The following RP1 variants were observed in gnomAD, a reference collection of about 807,000 sequenced individuals.
RP1 encodes the protein oxygen-regulated protein 1.
A neutral mutation model predicts 14.8 loss-of-function variants in RP1; 16 were observed. That is an observed-to-expected ratio of 1.08 (90% confidence interval 0.73 to 1.65). The LOEUF (loss-of-function observed/expected upper bound fraction) is 1.65. RP1 is among the 40% of genes most tolerant of loss of function. The pLI, the probability that RP1 is intolerant of heterozygous loss-of-function variation, is 0.00. For missense variants in RP1, 2,631 were observed against 2,535.0 expected, an observed-to-expected ratio of 1.04 and a Z score of -0.81; for synonymous variants, 876 against 883.6, an observed-to-expected ratio of 0.99 and a Z score of 0.15.
intron 15 of RP1, among the ~76,000 whole-genome samples, chr8:54,710,795 C>T (rs1036501883): frequency 6.6e-6 from 1 of 152,130 alleles, no homozygotes; most frequent in Non-Finnish European, 1.5e-5. Context: ...TCCTCTCTAC[C>T]GACTGAGTCT....
chr8:54,689,842 CAGTT>C (rs1285191049), intron 12 of RP1, among the ~76,000 whole-genome samples: 2 of 152,034 alleles, frequency 1.3e-5, no homozygotes, highest in South Asian at 2.1e-4. Context: ...TAATGACAGT[CAGTT>C]ATACAGTCAC....
At position 54,629,138 on chromosome 8, in the gene RP1, T is replaced by C. The variant is rs745772363; in HGVS notation, c.5256T>C (p.His1752=). ...DKGKWLLKEN[H]LLRMSSENPG... ...GCAAATGGCTTCTGAAAGAAAATCA[T>C]TTGCTAAGGATGTCATCTGAAAATC... Residue 1752 remains histidine, a synonymous_variant, in exon 4 of 4, where the codon CAT becomes CAC. Transcript: ENST00000220676. The C allele has an allele frequency of 9.9e-6, 16 of 1,613,954 alleles. No homozygotes were observed. Among genetic ancestry groups the C allele is most frequent in the Non-Finnish European group, 1.3e-5 (15 of 1,179,952 alleles).
chr8:54,586,823 C>T (rs1223447837), intron 1 of RP1, among the ~76,000 whole-genome samples: 1 of 152,164 alleles, frequency 6.6e-6, no homozygotes, highest in African/African-American at 2.4e-5. Context: ...CGTGGTGTGC[C>T]GTTTGCTAAG....
At chr8:54,605,385 T>G (rs867613870) in intron 1 of RP1, among the ~76,000 whole-genome samples, 3 of 152,236 alleles carry the variant, frequency 2.0e-5, no homozygotes, top group African/African-American at 4.8e-5. Flanking sequence ...CTAGTTTGAT[T>G]GCACTGTGGT....
At chr8:54,814,395 C>T (rs754553304) in intron 24 of RP1, among the ~76,000 whole-genome samples, 3 of 152,166 alleles carry the variant, frequency 2.0e-5, no homozygotes, top group Non-Finnish European at 4.4e-5. Flanking sequence ...AATAACTGTA[C>T]TGTCCCTTGA....
intron 26 of RP1, among the ~76,000 whole-genome samples, chr8:54,856,425 T>A (rs1211848996): frequency 6.6e-6 from 1 of 152,216 alleles, no homozygotes; most frequent in Non-Finnish European, 1.5e-5. Context: ...TAAAACGTCC[T>A]ATGCGTGTGT....
intron 1 of RP1, chr8:54,560,550 G>A (rs968207208): frequency 2.0e-5 from 3 of 152,058 alleles, no homozygotes; most frequent in East Asian, 3.9e-4. Context: ...CCAACATGAC[G>A]TCACCGGTTT....
At chr8:54,618,308 A>G (rs1370650119) in intron 1 of RP1, among the ~76,000 whole-genome samples, 1 of 152,024 alleles carries the variant, frequency 6.6e-6, no homozygotes, top group East Asian at 1.9e-4. Flanking sequence ...CTTTGCTCCT[A>G]TTGTCTTTAT....
chr8:54,579,313 G>A (rs949348027), intron 1 of RP1, among the ~76,000 whole-genome samples: 1 of 152,152 alleles, frequency 6.6e-6, no homozygotes, highest in African/African-American at 2.4e-5. Flanking sequence ...AGCAAACCGA[G>A]GATGAGACTA....
chr8:54,650,255 C>T (rs1806626930), intron 4 of RP1, among the ~76,000 whole-genome samples: 1 of 152,090 alleles, frequency 6.6e-6, no homozygotes, highest in South Asian at 2.1e-4. Context: ...ACATTAATCT[C>T]TTGTTGTAGA....
chr8:54,724,795 C>T (rs1301346187), intron 16 of RP1, among the ~76,000 whole-genome samples: 1 of 152,148 alleles, frequency 6.6e-6, no homozygotes, highest in East Asian at 1.9e-4. Flanking sequence ...GAATTCCATA[C>T]TACTGTGTTG....
At chr8:54,755,168 T>A (rs553804758) in intron 20 of RP1, among the ~76,000 whole-genome samples, 1 of 152,322 alleles carries the variant, frequency 6.6e-6, no homozygotes, top group South Asian at 2.1e-4. Flanking sequence ...AGGCTGAGGC[T>A]GTGAGAGACA....
chr8:54,699,688 A>G, intron 13 of RP1: 2 of 435,486 alleles, frequency 4.6e-6, no homozygotes, highest in East Asian at 7.3e-5. Flanking sequence ...CACTTTTTTC[A>G]TTCTGTTTTG....
intron 25 of RP1, among the ~76,000 whole-genome samples, chr8:54,844,546 CTCTG>C (rs962786404): frequency 1.3e-5 from 2 of 151,144 alleles, no homozygotes; most frequent in African/African-American, 4.9e-5. Flanking sequence ...ACAAGCTTGC[CTCTG>C]TGTGTGCATA....
chr8:54,712,926 T>C (rs1269438133), intron 15 of RP1, among the ~76,000 whole-genome samples: 1 of 152,228 alleles, frequency 6.6e-6, no homozygotes, highest in Non-Finnish European at 1.5e-5. Context: ...TTAATTACCC[T>C]AGTTTGCGTA....
At chr8:54,784,147 C>T (rs114599467) in intron 24 of RP1, among the ~76,000 whole-genome samples, 260 of 152,226 alleles carry the variant, frequency 1.7e-3, no homozygotes, top group African/African-American at 5.8e-3. Flanking sequence ...ATGGGCGAAA[C>T]GGTCAAATGG....
At chr8:54,806,917 G>A (rs80345630) in intron 24 of RP1, among the ~76,000 whole-genome samples, 4,236 of 152,200 alleles carry the variant, frequency 0.028, 113 homozygotes, top group African/African-American at 0.061. Context: ...GAGTGCATCA[G>A]TTTAAGTCAC....
rs555883522 is a variant in RP1 at position 54,628,665 on chromosome 8, C to T, written c.4783C>T (p.Arg1595Trp). The change falls in exon 4 of 4, where the codon CGG becomes TGG. Residue 1595 changes from arginine to tryptophan, a missense_variant. Transcript: ENST00000220676. ...AGTGACTTCTGATTGGTCAGACTATCGGCCTGACAGTGACAGTGAGCAGCC... is the reference window on the plus strand; with the variant it reads ...AGTGACTTCTGATTGGTCAGACTATTGGCCTGACAGTGACAGTGAGCAGCC... ...SPVTSDWSDYRPDSDSEQPYK... is the reference protein window; with the variant it reads ...SPVTSDWSDYWPDSDSEQPYK... 36 of 1,614,050 alleles carry T rather than the reference C, an allele frequency of 2.2e-5. No homozygotes were observed. The African/African-American group carries it at 2.9e-4, about 13-fold the overall frequency.
intron 7 of RP1, among the ~76,000 whole-genome samples, chr8:54,670,388 C>A (rs1791317012): frequency 6.6e-6 from 1 of 150,438 alleles, no homozygotes; most frequent in South Asian, 2.1e-4. Context: ...CTATTTCTCC[C>A]TTCAATTTTG....
Sources: gnomAD v4.1 joint callset for allele counts (sites outside exome capture counted in the v4.1 genomes callset) on GRCh38, gnomAD v4.1.1 for gene constraint, MANE v1.5 for transcripts, NCBI Gene and HGNC (gene_info 2026-07-23, HGNC 2026-07-21) for gene names.